The following ROBO2 variants were observed in gnomAD, a reference collection of about 807,000 sequenced individuals.
ROBO2 encodes roundabout homolog 2.
In ROBO2, 53 loss-of-function variants were observed where a neutral mutation model predicts 160.8. That is an observed-to-expected ratio of 0.33 (90% CI 0.26 to 0.41). ROBO2 has a LOEUF of 0.41. Among genes scored for constraint, ROBO2 ranks in the 10% least tolerant of loss-of-function variants. The pLI, the probability that ROBO2 is intolerant of heterozygous loss-of-function variation, is 1.00. For missense variants in ROBO2, 1,577 were observed against 1,722.4 expected (o/e 0.92, Z 1.49); for synonymous variants, 664 against 611.7 (o/e 1.09, Z -1.26).
In ROBO2 at chr3:76,036,876, C is replaced by A. The variant is rs575090391; in HGVS notation, c.109+99274C>A. 1.1e-4 allele frequency among the ~76,000 whole-genome samples: 17 copies of A among 152,096 alleles called. No individual in the cohort carries two copies. The South Asian group carries it at 3.5e-3, about 32-fold the overall frequency. The stretch of plus-strand genomic sequence containing the variant: ...TATCCCTGTAGATCTCTATTCACCT[C>A]GAAAATTAAGATAAACCTTTCCATT... On this transcript the variant is annotated intron_variant, in intron 2 of 26. Transcript: ENST00000487694.
At chr3:76,746,588 TG>T (rs1389797414) in intron 2 of ROBO2, among the ~76,000 whole-genome samples, 2 of 152,164 alleles carry the variant, frequency 1.3e-5, no homozygotes, top group Non-Finnish European at 2.9e-5. Flanking sequence ...TAGCCAGTGA[TG>T]GTGAGCATTT....
At chr3:77,085,210 G>A (rs2069147002) in intron 1 of ROBO2, among the ~76,000 whole-genome samples, 1 of 151,910 alleles carries the variant, frequency 6.6e-6, no homozygotes, top group African/African-American at 2.4e-5. Context: ...TGTTATGATT[G>A]GCCAAATAAA....
intron 2 of ROBO2, among the ~76,000 whole-genome samples, chr3:76,315,817 T>A (rs2071970425): frequency 6.6e-6 from 1 of 152,188 alleles, no homozygotes; most frequent in Non-Finnish European, 1.5e-5. Context: ...TCAGAAACAA[T>A]GAAATAACTT....
At chr3:76,121,249 C>G (rs950871962) in intron 2 of ROBO2, among the ~76,000 whole-genome samples, 2 of 152,102 alleles carry the variant, frequency 1.3e-5, no homozygotes, top group Admixed American at 1.3e-4. Flanking sequence ...TGGGAGATTA[C>G]TATCTTTGGC....
At chr3:76,241,520 C>T (rs558021762) in intron 2 of ROBO2, among the ~76,000 whole-genome samples, 1 of 152,284 alleles carries the variant, frequency 6.6e-6, no homozygotes, top group African/African-American at 2.4e-5. Context: ...AGCTTCGTGA[C>T]TGAAACTCTT....
At chr3:76,706,959 C>T (rs372017223) in intron 2 of ROBO2, among the ~76,000 whole-genome samples, 3 of 151,672 alleles carry the variant, frequency 2.0e-5, no homozygotes, top group African/African-American at 7.3e-5. Context: ...AGGATGAAGC[C>T]TAAATTTGTT....
intron 1 of ROBO2, among the ~76,000 whole-genome samples, chr3:75,935,675 A>G (rs1279813206): frequency 6.6e-6 from 1 of 152,204 alleles, no homozygotes; most frequent in Non-Finnish European, 1.5e-5. Flanking sequence ...TTATGCTCTA[A>G]TGATTTTCAA....
intron 2 of ROBO2, among the ~76,000 whole-genome samples, chr3:76,430,117 G>A (rs1459985817): frequency 1.3e-5 from 2 of 152,114 alleles, no homozygotes; most frequent in Non-Finnish European, 2.9e-5. Context: ...AGGGTCTCTA[G>A]TTTTTCCAGA....
intron 2 of ROBO2, among the ~76,000 whole-genome samples, chr3:77,228,436 C>CA (rs397744257): frequency 7.3e-5 from 11 of 151,504 alleles, no homozygotes; most frequent in East Asian, 5.9e-4. Flanking sequence ...CACACACACA[C>CA]CCTTTTTTTT....
At chr3:75,992,804 T>C (rs570007189) in intron 2 of ROBO2, among the ~76,000 whole-genome samples, 6 of 152,308 alleles carry the variant, frequency 3.9e-5, no homozygotes, top group African/African-American at 1.2e-4. Flanking sequence ...CCCAAGACCA[T>C]GCTAATCCAC....
intron 2 of ROBO2, among the ~76,000 whole-genome samples, chr3:76,046,989 G>A (rs72892620): frequency 0.047 from 7,199 of 152,118 alleles, 397 homozygotes; most frequent in African/African-American, 0.13. Context: ...TTTCCTAAAG[G>A]TTCTTTCTAA....
chr3:76,097,869 A>T (rs973370023), intron 2 of ROBO2, among the ~76,000 whole-genome samples: 1 of 152,198 alleles, frequency 6.6e-6, no homozygotes, highest in Non-Finnish European at 1.5e-5. Context: ...GTTTAGGAAT[A>T]TGAAAAATGT....
rs545558174 is a variant in ROBO2, at chr3:76,361,742, A to G, written c.109+424140A>G. Among the ~76,000 whole-genome samples the G allele has an allele frequency of 1.1e-4, 17 of 152,236 alleles. No individual in the cohort carries two copies. The East Asian group carries it at 3.1e-3, about 28-fold the overall frequency. On this transcript the variant is annotated intron_variant, in intron 2 of 26. Coordinates refer to the ROBO2 transcript ENST00000487694. ...CTAGTATCTTCATAAGAAATTCACC[A>G]TTATATCCTGAAATTGAAAAGAAAC...
At chr3:77,161,969 T>C (rs371027812) in intron 2 of ROBO2, among the ~76,000 whole-genome samples, 26 of 152,290 alleles carry the variant, frequency 1.7e-4, no homozygotes, top group South Asian at 8.3e-4. Context: ...ATTTCTCTAG[T>C]GCAAATTCAG....
chr3:77,584,191 G>C (rs1339641948), intron 16 of ROBO2, among the ~76,000 whole-genome samples: 1 of 151,962 alleles, frequency 6.6e-6, no homozygotes, highest in Non-Finnish European at 1.5e-5. Context: ...TGGCCTCCCT[G>C]AACTCCACCC....
chr3:76,782,384 A>G (rs73121648), intron 2 of ROBO2, among the ~76,000 whole-genome samples: 9 of 150,832 alleles, frequency 6.0e-5, no homozygotes, highest in Non-Finnish European at 8.9e-5. Flanking sequence ...AAAAACTTTT[A>G]TATATGTCTA....
intron 2 of ROBO2, among the ~76,000 whole-genome samples, chr3:76,876,294 A>G (rs1014259141): frequency 6.6e-6 from 1 of 152,218 alleles, no homozygotes; most frequent in African/African-American, 2.4e-5. Context: ...TGGAAGTTTT[A>G]TAAAAATATG....
At chr3:77,329,583 A>G (rs1256324378) in intron 2 of ROBO2, among the ~76,000 whole-genome samples, 8 of 152,194 alleles carry the variant, frequency 5.3e-5, no homozygotes, top group Admixed American at 6.5e-5. Flanking sequence ...AGTTCAGTGT[A>G]GTGACAGTGA....
At chr3:76,261,508 A>G (rs1221688432) in intron 2 of ROBO2, among the ~76,000 whole-genome samples, 5 of 152,056 alleles carry the variant, frequency 3.3e-5, no homozygotes, top group Non-Finnish European at 7.4e-5. Flanking sequence ...ATATACAATT[A>G]TGTTATTTTG....
Sources: gnomAD v4.1 joint callset for allele counts (sites outside exome capture counted in the v4.1 genomes callset) on GRCh38, gnomAD v4.1.1 for gene constraint, MANE v1.5 for transcripts, NCBI Gene and HGNC (gene_info 2026-07-23, HGNC 2026-07-21) for gene names.